ARHGAP24: variants seen among roughly 807,000 people sequenced by gnomAD.
ARHGAP24 encodes Rho GTPase activating protein 24.
Under a neutral mutation model 76.4 loss-of-function variants are expected in ARHGAP24, and 50 were observed. The ratio of observed to expected loss-of-function variants is 0.65; its 90% confidence interval spans 0.52 to 0.83. The LOEUF is 0.83. Ranked by LOEUF, ARHGAP24 falls within the 40% of genes least tolerant of loss-of-function variation. The probability of loss-of-function intolerance (pLI) is 0.00; values close to 1 mark genes in which losing one functional copy is unlikely to be tolerated. For missense variants in ARHGAP24, 930 were observed against 914.2 expected (o/e 1.02, Z -0.22); for synonymous variants, 345 against 323.3 (o/e 1.07, Z -0.72).
At chr4:85,631,030 C>G (rs1006502854) in intron 2 of ARHGAP24, among the ~76,000 whole-genome samples, 3 of 151,952 alleles carry the variant, frequency 2.0e-5, no homozygotes, top group African/African-American at 4.8e-5. Context: ...CACACATTCT[C>G]TCTCTCACAG....
chr4:85,885,204 T>G (rs1037474000), intron 3 of ARHGAP24, among the ~76,000 whole-genome samples: 2 of 152,156 alleles, frequency 1.3e-5, no homozygotes, highest in African/African-American at 4.8e-5. Flanking sequence ...TAAAGTTTAA[T>G]ATTTACATAT....
At chr4:85,506,866 C>T (rs552477653) in intron 1 of ARHGAP24, among the ~76,000 whole-genome samples, 26 of 146,390 alleles carry the variant, frequency 1.8e-4, no homozygotes, top group Admixed American at 7.8e-4. Context: ...TGTTCCTATT[C>T]GGCTATCTTG....
intron 3 of ARHGAP24, among the ~76,000 whole-genome samples, chr4:85,726,967 G>A (rs1326736961): frequency 6.6e-6 from 1 of 152,128 alleles, no homozygotes; most frequent in Non-Finnish European, 1.5e-5. Flanking sequence ...TGATCCTGAG[G>A]TTGGGGCTTG....
intron 1 of ARHGAP24, among the ~76,000 whole-genome samples, chr4:85,537,614 T>A (rs926397534): frequency 1.3e-5 from 2 of 152,224 alleles, no homozygotes; most frequent in Admixed American, 1.3e-4. Context: ...ATTCTTCTTT[T>A]GTCTGTTGGC....
At chr4:85,933,003 C>T (rs1163183431) in intron 4 of ARHGAP24, among the ~76,000 whole-genome samples, 4 of 152,130 alleles carry the variant, frequency 2.6e-5, no homozygotes, top group Non-Finnish European at 4.4e-5. Context: ...AAGGTCTGGC[C>T]TTGAAAAGAA....
intron 2 of ARHGAP24, among the ~76,000 whole-genome samples, chr4:85,651,841 C>T (rs1424282576): frequency 6.6e-6 from 1 of 151,866 alleles, no homozygotes; most frequent in Non-Finnish European, 1.5e-5. Flanking sequence ...GAAAAAGTAT[C>T]ATTTTCTAAA....
At chr4:85,879,864 G>A (rs889786018) in intron 3 of ARHGAP24, among the ~76,000 whole-genome samples, 10 of 152,100 alleles carry the variant, frequency 6.6e-5, no homozygotes, top group Admixed American at 1.3e-4. Context: ...AGGGAGAGGC[G>A]GGGAGGGATG....
chr4:85,643,608 A>T (rs1721611505), intron 2 of ARHGAP24, among the ~76,000 whole-genome samples: 1 of 152,072 alleles, frequency 6.6e-6, no homozygotes, highest in Non-Finnish European at 1.5e-5. Flanking sequence ...ATACTATAAA[A>T]TTCACTTTTA....
chr4:85,969,072 C>T (rs1383511993), intron 5 of ARHGAP24, among the ~76,000 whole-genome samples: 1 of 152,114 alleles, frequency 6.6e-6, no homozygotes, highest in Non-Finnish European at 1.5e-5. Context: ...AACATTACTG[C>T]AGCTTTGGTG....
intron 4 of ARHGAP24, among the ~76,000 whole-genome samples, chr4:85,940,582 TGTGA>T (rs959387804): frequency 2.6e-5 from 4 of 152,022 alleles, no homozygotes; most frequent in African/African-American, 7.3e-5. Context: ...GAGAATGGGG[TGTGA>T]GTGTCTGTTG....
At chr4:85,527,340 T>C (rs1212284676) in intron 1 of ARHGAP24, among the ~76,000 whole-genome samples, 2 of 152,162 alleles carry the variant, frequency 1.3e-5, no homozygotes, top group Non-Finnish European at 2.9e-5. Context: ...ATGTCAGTTA[T>C]GTCAAACACA....
At chr4:85,659,998 A>T (rs1230081136) in intron 2 of ARHGAP24, among the ~76,000 whole-genome samples, 1 of 152,228 alleles carries the variant, frequency 6.6e-6, no homozygotes, top group Non-Finnish European at 1.5e-5. Flanking sequence ...CTACCAGTGC[A>T]GTAGGACTTG....
At chr4:85,624,715 G>C (rs1303863858) in intron 2 of ARHGAP24, among the ~76,000 whole-genome samples, 1 of 151,872 alleles carries the variant, frequency 6.6e-6, no homozygotes, top group Admixed American at 6.6e-5. Flanking sequence ...GACTTTTTTT[G>C]GTTGGTAAGC....
At chr4:85,744,711 A>G (rs1472423638) in intron 3 of ARHGAP24, among the ~76,000 whole-genome samples, 2 of 152,242 alleles carry the variant, frequency 1.3e-5, no homozygotes, top group Non-Finnish European at 2.9e-5. Context: ...ACAGGACTCC[A>G]GAACAACTTG....
At chr4:85,654,462 G>A (rs897690754) in intron 2 of ARHGAP24, among the ~76,000 whole-genome samples, 5 of 152,136 alleles carry the variant, frequency 3.3e-5, no homozygotes, top group Non-Finnish European at 7.3e-5. Context: ...GTAGTCAGAA[G>A]AATCCTACAA....
At chr4:85,951,930 A>T (rs1245741349) in intron 5 of ARHGAP24, among the ~76,000 whole-genome samples, 1 of 152,114 alleles carries the variant, frequency 6.6e-6, no homozygotes, top group Non-Finnish European at 1.5e-5. Flanking sequence ...TTAATTTGAT[A>T]TCATAAAGTT....
chr4:85,676,226 A>C (rs1352923302), intron 2 of ARHGAP24, among the ~76,000 whole-genome samples: 1 of 152,218 alleles, frequency 6.6e-6, no homozygotes, highest in African/African-American at 2.4e-5. Flanking sequence ...ATCTGTACAT[A>C]GAATACACAC....
intron 2 of ARHGAP24, among the ~76,000 whole-genome samples, chr4:85,662,710 G>C (rs1169625740): frequency 2.6e-5 from 4 of 152,042 alleles, no homozygotes; most frequent in Non-Finnish European, 5.9e-5. Flanking sequence ...TGTAAGGAAG[G>C]GATCCAGTTT....
At chr4:85,651,774 C>A (rs1721955248) in intron 2 of ARHGAP24, among the ~76,000 whole-genome samples, 1 of 137,348 alleles carries the variant, frequency 7.3e-6, no homozygotes, top group Non-Finnish European at 1.5e-5. Context: ...TCCTTCAAGG[C>A]CATATATTTA....
Sources: gnomAD v4.1 joint callset for allele counts (sites outside exome capture counted in the v4.1 genomes callset) on GRCh38, gnomAD v4.1.1 for gene constraint, MANE v1.5 for transcripts, NCBI Gene and HGNC (gene_info 2026-07-23, HGNC 2026-07-21) for gene names.